The following LPGAT1 variants were observed in gnomAD, a reference collection of about 807,000 sequenced individuals.
LPGAT1 encodes lysophosphatidylglycerol acyltransferase 1, also known as acyl-CoA:lysophosphatidylglycerol acyltransferase 1.
A neutral mutation model predicts 47.5 loss-of-function variants in LPGAT1; 11 were observed. The observed-to-expected ratio is 0.23, with a 90% CI of 0.15 to 0.38. LPGAT1 has a LOEUF of 0.38. Among genes scored for constraint, LPGAT1 ranks in the 10% least tolerant of loss-of-function variants. LPGAT1 has a pLI of 1.00. For synonymous variants in LPGAT1, 138 were observed against 144.2 expected (o/e 0.96, Z 0.31); for missense variants, 293 against 439.0 (o/e 0.67, Z 2.97).
chr1:211,816,975 T>G (rs1204863075), intron 2 of LPGAT1, among the ~76,000 whole-genome samples: 1 of 152,236 alleles, frequency 6.6e-6, no homozygotes, highest in African/African-American at 2.4e-5. Flanking sequence ...CAGCTTAGAA[T>G]GATTATTTAC....
intron 4 of LPGAT1, among the ~76,000 whole-genome samples, chr1:211,786,724 T>C (rs1658892598): frequency 6.6e-6 from 1 of 152,200 alleles, no homozygotes; most frequent in Non-Finnish European, 1.5e-5. Context: ...TTTCCTACTA[T>C]GAATTCCCAA....
chr1:211,790,481 T>A (rs1035697139), intron 3 of LPGAT1, among the ~76,000 whole-genome samples: 1 of 152,154 alleles, frequency 6.6e-6, no homozygotes, highest in African/African-American at 2.4e-5. Context: ...AAGTAAACAT[T>A]CCTACTAGTG....
chr1:211,771,466 T>C (rs931566100), intron 6 of LPGAT1, among the ~76,000 whole-genome samples: 7 of 152,166 alleles, frequency 4.6e-5, no homozygotes, highest in African/African-American at 1.7e-4. Context: ...TTTAGATTTT[T>C]TTTTTAATTG....
intron 2 of LPGAT1, among the ~76,000 whole-genome samples, chr1:211,805,414 G>A (rs897963651): frequency 6.6e-6 from 1 of 152,146 alleles, no homozygotes; most frequent in African/African-American, 2.4e-5. Context: ...GTGAAAGACA[G>A]AATGGTTGTA....
chr1:211,771,364 C>T (rs1419165450), intron 6 of LPGAT1, among the ~76,000 whole-genome samples: 1 of 152,140 alleles, frequency 6.6e-6, no homozygotes, highest in East Asian at 1.9e-4. Context: ...GAAGGTATCC[C>T]TGTCATTAAG....
chr1:211,804,424 C>T (rs934313753), intron 2 of LPGAT1, among the ~76,000 whole-genome samples: 1 of 152,096 alleles, frequency 6.6e-6, no homozygotes, highest in African/African-American at 2.4e-5. Context: ...AAATAACATA[C>T]ATTCATTGTA....
chr1:211,811,767 G>A (rs918676176), intron 2 of LPGAT1, among the ~76,000 whole-genome samples: 24 of 150,722 alleles, frequency 1.6e-4, no homozygotes, highest in African/African-American at 4.6e-4. Flanking sequence ...CTGCCATCCC[G>A]CCACTGCACT....
intron 4 of LPGAT1, among the ~76,000 whole-genome samples, chr1:211,786,539 T>C (rs1195278424): frequency 6.6e-6 from 1 of 152,148 alleles, no homozygotes; most frequent in Non-Finnish European, 1.5e-5. Flanking sequence ...GTCAAGAAAA[T>C]AATGTAGTGC....
rs1449933428 is a variant in LPGAT1, at chr1:211,745,608, A to G, written c.*4291T>C. The G allele has an allele frequency of 2.0e-5, 3 of 152,598 alleles. No homozygotes were observed. Among genetic ancestry groups the G allele is most frequent in the Admixed American group, 6.5e-5 (1 of 15,278 alleles). 9.5% of individuals were successfully genotyped at this position (152,598 alleles called of 1,614,324 possible). ...AGATGGAAATTTTGCAGAAAAACCC[A>G]TATTTTATCTTCCATGTGGCTACAG... On this transcript the variant is annotated 3_prime_UTR_variant, in exon 8 of 8. Transcript: ENST00000366997.
At chr1:211,771,648 C>A (rs1281621984) in intron 6 of LPGAT1, among the ~76,000 whole-genome samples, 5 of 151,948 alleles carry the variant, frequency 3.3e-5, no homozygotes, top group Non-Finnish European at 7.4e-5. Context: ...GGATTACAGG[C>A]GCTCACCACC....
intron 6 of LPGAT1, among the ~76,000 whole-genome samples, chr1:211,767,631 T>C (rs1471239090): frequency 6.6e-6 from 1 of 152,032 alleles, no homozygotes; most frequent in African/African-American, 2.4e-5. Context: ...TACAGACTTC[T>C]CTAGGGAAGA....
At chr1:211,768,362 C>A (rs893924191) in intron 6 of LPGAT1, among the ~76,000 whole-genome samples, 2 of 152,158 alleles carry the variant, frequency 1.3e-5, no homozygotes, top group African/African-American at 4.8e-5. Flanking sequence ...AGAATACATG[C>A]ATATTGTAAA....
In LPGAT1 at chr1:211,829,116, T is replaced by C. The variant is rs764012580; in HGVS notation, c.181A>G (p.Met61Val). The change falls in exon 2 of 8, where the codon ATG becomes GTG. Residue 61 changes from methionine to valine, a missense_variant. Transcript: ENST00000366997. ...ACCATTCCTAAAAGCCATTTATACATGATTCCTTCGATATACCAGAACCGC... is the reference window on the plus strand; with the variant it reads ...ACCATTCCTAAAAGCCATTTATACACGATTCCTTCGATATACCAGAACCGC... ...SKRFWYIEGI[M>V]YKWLLGMVAS... 1 of 1,614,044 alleles carries C rather than the reference T, an allele frequency of 6.2e-7. No individual in the cohort carries two copies. The highest frequency in any genetic ancestry group is 8.5e-7 in the Non-Finnish European group (1 of 1,180,030).
intron 6 of LPGAT1, 93 bp downstream of exon 6, chr1:211,778,825 T>C: frequency 9.6e-7 from 1 of 1,036,762 alleles, no homozygotes; most frequent in Non-Finnish European, 1.3e-6. Context: ...CAACTATTTC[T>C]ACTGTGTGAT....
At chr1:211,815,132 A>G (rs1660124579) in intron 2 of LPGAT1, among the ~76,000 whole-genome samples, 1 of 152,174 alleles carries the variant, frequency 6.6e-6, no homozygotes, top group African/African-American at 2.4e-5. Flanking sequence ...CACCATGGAT[A>G]ATTTGCCGAT....
chr1:211,792,165 C>T (rs774430790), intron 3 of LPGAT1: 1 of 151,576 alleles, frequency 6.6e-6, no homozygotes, highest in Non-Finnish European at 1.5e-5. Flanking sequence ...TCTTCACAGG[C>T]ATGATCCCAC....
intron 5 of LPGAT1, among the ~76,000 whole-genome samples, chr1:211,780,211 A>G (rs1011617190): frequency 6.6e-6 from 1 of 152,200 alleles, no homozygotes; most frequent in African/African-American, 2.4e-5. Context: ...TAATTAATAA[A>G]TAAATAAAGC....
intron 2 of LPGAT1, among the ~76,000 whole-genome samples, chr1:211,797,828 G>C (rs1375048629): frequency 6.6e-6 from 1 of 152,086 alleles, no homozygotes; most frequent in Non-Finnish European, 1.5e-5. Flanking sequence ...AATTGGGTCA[G>C]GTCCACTATT....
chr1:211,806,934 C>T (rs958885021), intron 2 of LPGAT1, among the ~76,000 whole-genome samples: 8 of 152,028 alleles, frequency 5.3e-5, no homozygotes, highest in Non-Finnish European at 7.4e-5. Flanking sequence ...ACCAGAAGTC[C>T]TAGCTAGTTT....
Sources: allele counts gnomAD v4.1 joint callset (sites outside exome capture counted in the v4.1 genomes callset), GRCh38; gene constraint gnomAD v4.1.1; transcripts MANE v1.5; gene names NCBI Gene and HGNC (gene_info 2026-07-23, HGNC 2026-07-21).